The following EML5 variants were observed in gnomAD, a reference collection of about 807,000 sequenced individuals.
The protein encoded by EML5 is echinoderm microtubule-associated protein-like 5.
EML5 carries 120 observed loss-of-function variants against 250.0 expected under a neutral mutation model. The ratio of observed to expected loss-of-function variants is 0.48; its 90% CI spans 0.41 to 0.56. The LOEUF (loss-of-function observed/expected upper bound fraction) is 0.56, where lower values mean the gene tolerates loss of function less well. EML5 is among the 20% of genes least tolerant of loss of function. The pLI is 0.00. For synonymous variants in EML5, 771 were observed against 806.5 expected, an observed-to-expected ratio of 0.96 and a Z score of 0.75; for missense variants, 2,006 against 2,437.6, an observed-to-expected ratio of 0.82 and a Z score of 3.73.
intron 17 of EML5, among the ~76,000 whole-genome samples, chr14:88,689,127 T>C (rs2092903249): frequency 6.6e-6 from 1 of 152,220 alleles, no homozygotes; most frequent in South Asian, 2.1e-4. Context: ...ATTTTCCTAT[T>C]AATGGAGATT....
rs1394106480 is a variant in EML5 at position 88,715,012 on chromosome 14, C to T, written c.1371G>A (p.Leu457=). The change falls in exon 9 of 44, where the codon CTG becomes CTA. Residue 457 remains leucine (L), a synonymous_variant. Transcript: ENST00000554922. ...CLGSLSFITH[L]DWSSDSRYLQ... is the part of the protein sequence containing the mutation. Reference sequence around the variant, plus strand: ...AATATCTACTGTCTGAAGACCAGTCCAGATGAGTGATGAAACTAAGGGATC... The same window carrying T: ...AATATCTACTGTCTGAAGACCAGTCTAGATGAGTGATGAAACTAAGGGATC... 5 of 1,613,712 alleles carry T rather than the reference C, an allele frequency of 3.1e-6. No homozygotes were observed. The highest frequency in any genetic ancestry group is 2.5e-6 in the Non-Finnish European group (3 of 1,179,832).
chr14:88,656,844 G>T (rs970141624), intron 27 of EML5, among the ~76,000 whole-genome samples: 1 of 152,012 alleles, frequency 6.6e-6, no homozygotes, highest in African/African-American at 2.4e-5. Context: ...ACTCGGTATT[G>T]GATTCAATTT....
intron 1 of EML5, among the ~76,000 whole-genome samples, chr14:88,791,903 T>C (rs2094612330): frequency 1.3e-5 from 2 of 152,298 alleles, no homozygotes; most frequent in South Asian, 4.1e-4. Context: ...CCATCAGTCC[T>C]TTATTAGGTA....
At chr14:88,616,070 G>GTTTATGAGTT in intron 43 of EML5, 72 bp downstream of exon 43, 1 of 1,504,514 alleles carries the variant, frequency 6.6e-7, no homozygotes, top group Non-Finnish European at 9.2e-7. Context: ...AACCAAAGCT[G>GTTTATGAGTT]TAGGAGTTGT....
At chr14:88,761,043 T>G (rs1244216955) in intron 1 of EML5, among the ~76,000 whole-genome samples, 1 of 152,132 alleles carries the variant, frequency 6.6e-6, no homozygotes, top group Non-Finnish European at 1.5e-5. Context: ...GAGTAGTGTT[T>G]TTTGTGTGAG....
chr14:88,752,358 T>C (rs946017375), intron 2 of EML5, among the ~76,000 whole-genome samples: 3 of 152,212 alleles, frequency 2.0e-5, no homozygotes, highest in Non-Finnish European at 2.9e-5. Flanking sequence ...AAAATAACTT[T>C]GTAGGTTTGT....
At position 88,612,832 on chromosome 14, in the gene EML5, A is replaced by G. The variant is rs190464296; in HGVS notation, c.*2986T>C. ...AAAACTGTTAAGGCAAGAAGTGTCA[A>G]ATGCTTTAGAGTTAAATAACAGATC... On this transcript the variant is annotated 3_prime_UTR_variant, in exon 44 of 44. Coordinates refer to ENST00000554922, the MANE Select transcript of EML5 (RefSeq NM_183387.3). The G allele has an allele frequency of 1.3e-5, 2 of 152,602 alleles. No homozygotes were observed. The highest frequency in any genetic ancestry group is 2.4e-5 in the African/African-American group (1 of 41,446). The allele number at this position is 152,602 out of a possible 1,614,324, so 9.5% of individuals were successfully genotyped here. A position where few individuals can be genotyped will look rare whatever the true frequency, so the allele number is the denominator to read the frequency against.
At chr14:88,778,211 G>C (rs186973469) in intron 1 of EML5, among the ~76,000 whole-genome samples, 7 of 151,788 alleles carry the variant, frequency 4.6e-5, no homozygotes, top group Admixed American at 1.3e-4. Flanking sequence ...AATAAGACCT[G>C]AACGAAAGAA....
intron 31 of EML5, among the ~76,000 whole-genome samples, chr14:88,641,573 A>G (rs984636158): frequency 1.3e-5 from 2 of 152,200 alleles, no homozygotes; most frequent in Non-Finnish European, 2.9e-5. Context: ...AACAAAAACC[A>G]TATGATTATC....
intron 19 of EML5, 52 bp downstream of exon 19, chr14:88,687,164 G>A: frequency 7.5e-7 from 1 of 1,329,792 alleles, no homozygotes; most frequent in Admixed American, 2.1e-5. Flanking sequence ...ACACATTAAT[G>A]AGCAATTAAT....
intron 21 of EML5, among the ~76,000 whole-genome samples, chr14:88,670,233 T>C (rs1347518352): frequency 3.3e-5 from 5 of 149,492 alleles, no homozygotes; most frequent in African/African-American, 2.5e-5. Flanking sequence ...AGGCAGAGAA[T>C]TGCTTGAACC....
chr14:88,643,726 T>C (rs1460079327), intron 30 of EML5, among the ~76,000 whole-genome samples: 1 of 152,208 alleles, frequency 6.6e-6, no homozygotes, highest in Non-Finnish European at 1.5e-5. Flanking sequence ...ACTCAAACAG[T>C]ACATTCATCA....
At chr14:88,648,045 T>C (rs2091441708) in intron 28 of EML5, among the ~76,000 whole-genome samples, 1 of 152,184 alleles carries the variant, frequency 6.6e-6, no homozygotes, top group African/African-American at 2.4e-5. Flanking sequence ...GGGACTATGC[T>C]GAATTTAGAA....
chr14:88,702,341 C>A, intron 14 of EML5, 105 bp downstream of exon 14: 1 of 838,392 alleles, frequency 1.2e-6, no homozygotes, highest in Non-Finnish European at 1.6e-6. Flanking sequence ...CTAAAGAATT[C>A]TTTACTCTTC....
chr14:88,727,773 G>C (rs2093689709), intron 7 of EML5, among the ~76,000 whole-genome samples: 1 of 152,154 alleles, frequency 6.6e-6, no homozygotes, highest in South Asian at 2.1e-4. Flanking sequence ...CCTGACCAAA[G>C]GGAGAGAGTG....
intron 1 of EML5, among the ~76,000 whole-genome samples, chr14:88,762,065 T>C (rs960724169): frequency 2.6e-5 from 4 of 152,224 alleles, no homozygotes; most frequent in African/African-American, 7.2e-5. Flanking sequence ...TTGTTCCTTG[T>C]AGATTCTGGA....
chr14:88,623,544 C>G (rs993896865), intron 36 of EML5: 2 of 152,018 alleles, frequency 1.3e-5, no homozygotes, highest in African/African-American at 4.8e-5. Context: ...CTTCAGCCTC[C>G]CAAGTAGCTG....
intron 17 of EML5, among the ~76,000 whole-genome samples, chr14:88,689,744 G>C (rs750357624): frequency 9.9e-5 from 15 of 151,962 alleles, no homozygotes; most frequent in Non-Finnish European, 2.1e-4. Flanking sequence ...CAAACAAAAA[G>C]AGAGAGAGAG....
At position 88,687,339 on chromosome 14, in the gene EML5, A is replaced by G. The variant is rs761315169; in HGVS notation, c.2743-12T>C. 1.3e-6 allele frequency: 2 copies of G among 1,556,704 alleles called. No individual in the cohort carries two copies. The highest frequency in any genetic ancestry group is 4.2e-5 in the Admixed American group (2 of 47,890). Reference sequence around the variant, plus strand: ...CCAGTTACAAACCCCTATGGAAAAAAAAAGGTTCAAGTTAATAAAGATCTA... The same window carrying G: ...CCAGTTACAAACCCCTATGGAAAAAGAAAGGTTCAAGTTAATAAAGATCTA... On this transcript the variant is annotated splice_polypyrimidine_tract_variant and intron_variant, in intron 18 of 43. Coordinates refer to ENST00000554922, the MANE Select transcript of EML5 (RefSeq NM_183387.3).
Sources: allele counts gnomAD v4.1 joint callset (sites outside exome capture counted in the v4.1 genomes callset), GRCh38; gene constraint gnomAD v4.1.1; transcripts MANE v1.5; gene names NCBI Gene and HGNC (gene_info 2026-07-23, HGNC 2026-07-21).